The following SYK variants were observed in gnomAD, a reference collection of about 807,000 sequenced individuals.
SYK encodes spleen associated tyrosine kinase.
A neutral mutation model predicts 77.8 loss-of-function variants in SYK; 16 were observed. The observed-to-expected ratio is 0.21, with a 90% CI of 0.14 to 0.31. SYK has a LOEUF of 0.31. Among genes scored for constraint, SYK ranks in the 10% least tolerant of loss-of-function variants. SYK has a pLI of 1.00. For synonymous variants in SYK, 312 were observed against 308.7 expected (o/e 1.01, Z -0.11); for missense variants, 529 against 814.4 (o/e 0.65, Z 4.26).
At chr9:90,852,789 TA>T (rs1826868104) in intron 3 of SYK, among the ~76,000 whole-genome samples, 1 of 152,196 alleles carries the variant, frequency 6.6e-6, no homozygotes, top group African/African-American at 2.4e-5. Context: ...TTCAACAAAA[TA>T]GGCATGTTTT....
chr9:90,833,426 G>A (rs1359212253), intron 1 of SYK, among the ~76,000 whole-genome samples: 1 of 152,194 alleles, frequency 6.6e-6, no homozygotes, highest in Non-Finnish European at 1.5e-5. Context: ...GGGACAGGGA[G>A]CTGGGAGTGT....
intron 1 of SYK, among the ~76,000 whole-genome samples, chr9:90,822,394 C>T (rs1370836724): frequency 6.6e-6 from 1 of 152,146 alleles, no homozygotes; most frequent in Non-Finnish European, 1.5e-5. Flanking sequence ...AGATCACAGC[C>T]TTCAGGATTA....
chr9:90,836,200 C>T (rs746620368), intron 1 of SYK, among the ~76,000 whole-genome samples: 2 of 150,620 alleles, frequency 1.3e-5, no homozygotes, highest in Non-Finnish European at 1.5e-5. Context: ...GGCAGGAGAA[C>T]AGCGTGAACT....
chr9:90,810,404 T>C (rs1173580812), intron 1 of SYK, among the ~76,000 whole-genome samples: 1 of 152,180 alleles, frequency 6.6e-6, no homozygotes, highest in Admixed American at 6.5e-5. Context: ...CCTAAGGACT[T>C]CAATGGGGCG....
chr9:90,840,618 C>T (rs1276910880), intron 1 of SYK, among the ~76,000 whole-genome samples: 1 of 150,778 alleles, frequency 6.6e-6, no homozygotes, highest in Non-Finnish European at 1.5e-5. Flanking sequence ...GTATTTCTTC[C>T]AAGAGACTCA....
At chr9:90,887,565 C>G (rs530531771) in intron 11 of SYK, among the ~76,000 whole-genome samples, 184 bp from the exon 12 acceptor site, 1 of 152,102 alleles carries the variant, frequency 6.6e-6, no homozygotes, top group African/African-American at 2.4e-5. Context: ...GCCACCACAC[C>G]TGGCTAATTT....
At chr9:90,868,878 A>G (rs1375189980) in intron 7 of SYK, among the ~76,000 whole-genome samples, 1 of 152,240 alleles carries the variant, frequency 6.6e-6, no homozygotes, top group Non-Finnish European at 1.5e-5. Context: ...TATAATTGAC[A>G]AAGTCTGATA....
At chr9:90,874,561 C>G in intron 8 of SYK, 111 bp from the exon 9 acceptor site, 6 of 1,334,064 alleles carry the variant, frequency 4.5e-6, no homozygotes, top group Non-Finnish European at 6.2e-6. Context: ...TCATCCCTTG[C>G]AACATTGATG....
chr9:90,875,485 A>G (rs1827891527), intron 9 of SYK, among the ~76,000 whole-genome samples: 2 of 152,138 alleles, frequency 1.3e-5, no homozygotes, highest in African/African-American at 4.8e-5. Context: ...ACTAAACATT[A>G]CTACTGTTAA....
At chr9:90,887,097 A>G (rs975411682) in intron 11 of SYK, among the ~76,000 whole-genome samples, 1 of 152,240 alleles carries the variant, frequency 6.6e-6, no homozygotes, top group Non-Finnish European at 1.5e-5. Flanking sequence ...GTGTAAATGA[A>G]GAGGATATTT....
Position 90,874,656 on chromosome 9 carries a change from C to T in SYK, c.1004-16C>T, listed in dbSNP as rs1343730465. The T allele has an allele frequency of 3.1e-6, 5 of 1,605,698 alleles. No homozygotes were observed. The highest frequency in any genetic ancestry group is 3.4e-6 in the Non-Finnish European group (4 of 1,175,030). On this transcript the variant is annotated splice_polypyrimidine_tract_variant and intron_variant, in intron 8 of 13. Coordinates refer to ENST00000375754, the MANE Select transcript of SYK (RefSeq NM_003177.7). ...GGGTCCAGCCCCAGGTCGTATGTTT[C>T]TTGACTGCATTGCAGGCCCCCAGAG...
At chr9:90,811,723 G>A (rs1825078224) in intron 1 of SYK, among the ~76,000 whole-genome samples, 2 of 151,174 alleles carry the variant, frequency 1.3e-5, no homozygotes, top group Admixed American at 1.3e-4. Flanking sequence ...TTTGAAGCCA[G>A]CCTGGGCAAT....
chr9:90,842,284 T>C (rs1019925306), intron 1 of SYK, among the ~76,000 whole-genome samples: 1 of 150,484 alleles, frequency 6.6e-6, no homozygotes, highest in African/African-American at 2.5e-5. Flanking sequence ...GTAGTGTGTG[T>C]GGCATGCATG....
At chr9:90,830,215 C>A (rs1825829363) in intron 1 of SYK, among the ~76,000 whole-genome samples, 1 of 152,250 alleles carries the variant, frequency 6.6e-6, no homozygotes, top group African/African-American at 2.4e-5. Context: ...GGAGACCAGG[C>A]ACCCTGTGCA....
chr9:90,893,864 T>A (rs1044724814), intron 13 of SYK, among the ~76,000 whole-genome samples: 10 of 152,116 alleles, frequency 6.6e-5, no homozygotes, highest in African/African-American at 2.4e-4. Flanking sequence ...CAGAGCAGAA[T>A]CTGCACTCTG....
chr9:90,857,390 C>A (rs766587638), intron 3 of SYK, among the ~76,000 whole-genome samples: 3 of 152,178 alleles, frequency 2.0e-5, no homozygotes, highest in Non-Finnish European at 4.4e-5. Flanking sequence ...ATCAAAGTCT[C>A]CTTGAAGCTG....
chr9:90,820,208 A>G (rs566826660), intron 1 of SYK, among the ~76,000 whole-genome samples: 1 of 152,172 alleles, frequency 6.6e-6, no homozygotes, highest in Non-Finnish European at 1.5e-5. Flanking sequence ...TTCCAGGCAC[A>G]TGGTGCAAGC....
At chr9:90,812,891 G>A (rs1447679464) in intron 1 of SYK, among the ~76,000 whole-genome samples, 4 of 152,100 alleles carry the variant, frequency 2.6e-5, no homozygotes, top group African/African-American at 9.7e-5. Flanking sequence ...TTTGGAGGAA[G>A]GCTTTAGAGT....
intron 7 of SYK, among the ~76,000 whole-genome samples, chr9:90,867,832 G>A (rs72729069): frequency 1.3e-5 from 2 of 152,096 alleles, no homozygotes; most frequent in African/African-American, 4.8e-5. Flanking sequence ...ATAAAAATAA[G>A]TTCTTTTTCA....
Sources: gnomAD v4.1 joint callset for allele counts (sites outside exome capture counted in the v4.1 genomes callset) on GRCh38, gnomAD v4.1.1 for gene constraint, MANE v1.5 for transcripts, NCBI Gene and HGNC (gene_info 2026-07-23, HGNC 2026-07-21) for gene names.